SNX15: variants seen among roughly 807,000 people sequenced by gnomAD.
The protein encoded by SNX15 is sorting nexin-15.
Under a neutral mutation model 35.2 loss-of-function variants are expected in SNX15, and 29 were observed. That is an observed-to-expected ratio of 0.82 (90% CI 0.61 to 1.12). The LOEUF (loss-of-function observed/expected upper bound fraction) is 1.12, where lower values mean the gene tolerates loss of function less well. SNX15 is among the 50% of genes most tolerant of loss of function. The probability of loss-of-function intolerance (pLI) is 0.00; values close to 1 mark genes in which losing one functional copy is unlikely to be tolerated. For missense variants in SNX15, 400 were observed against 451.5 expected (o/e 0.89, Z 1.03); for synonymous variants, 189 against 188.2 (o/e 1.00, Z -0.03).
Position 65,027,485 on chromosome 11 carries a change from G to A in SNX15, c.-53G>A. On this transcript the variant is annotated 5_prime_UTR_variant, in exon 1 of 8. Coordinates refer to ENST00000377244, the MANE Select transcript of SNX15 (RefSeq NM_013306.5). ...CGGGCGGAGGCTGGGCCGGAGGGGTGGGGACGGCGAGGAGGTGGAGGCCGG... is the reference window on the plus strand; with the variant it reads ...CGGGCGGAGGCTGGGCCGGAGGGGTAGGGACGGCGAGGAGGTGGAGGCCGG... 1 of 1,442,616 alleles carries A rather than the reference G, an allele frequency of 6.9e-7. No individual in the cohort carries two copies. The highest frequency in any genetic ancestry group is 1.7e-5 in the Admixed American group (1 of 59,648). The allele number at this position is 1,442,616 out of a possible 1,614,324, so 89.4% of individuals were successfully genotyped here.
In SNX15 at chr11:65,038,765, C is replaced by T. The variant is rs563603542; in HGVS notation, c.858C>T (p.Gly286=). The change falls in exon 7 of 8, where the codon GGC becomes GGT. Residue 286 remains glycine (G), a synonymous_variant. Transcript: ENST00000377244. The part of the protein sequence containing the change: ...ITQALRDEKA[G]AYAAALQGYR... ...AGGCCCTGCGGGATGAGAAGGCAGG[C>T]GCTTACGCTGCTGCACTCCAGGGCT... 21 of 1,599,966 alleles carry T rather than the reference C, an allele frequency of 1.3e-5. No homozygotes were observed. In the Middle Eastern group the frequency reaches 5.0e-4, roughly 38 times the overall value.
chr11:65,038,584 C>T lies in SNX15; in HGVS notation c.677C>T (p.Pro226Leu). The T allele has an allele frequency of 6.4e-7, 1 of 1,560,664 alleles. No individual in the cohort carries two copies. The highest frequency in any genetic ancestry group is 2.3e-5 in the East Asian group (1 of 44,178). The change falls in exon 7 of 8, where the codon CCC (proline) becomes CTC (leucine). Residue 226 changes from proline (P) to leucine (L), a missense_variant. Pro to Leu is a moderately conservative substitution (Grantham distance 98, BLOSUM62 -3). Coordinates refer to ENST00000377244, the MANE Select transcript of SNX15 (RefSeq NM_013306.5). ...DPFSKEEGAA[P>L]SPTHVAELAT... ...TTTCTAACTGCAGAAGGCGCAGCCC[C>T]CAGCCCCACCCATGTGGCTGAGCTG...
intron 1 of SNX15, among the ~76,000 whole-genome samples, chr11:65,030,206 G>A (rs1220675096): frequency 6.6e-6 from 1 of 151,768 alleles, no homozygotes; most frequent in Non-Finnish European, 1.5e-5. Context: ...AGTACAAAAC[G>A]TAGCTGGGCA....
At position 65,027,489 on chromosome 11, in the gene SNX15, A is replaced by T; in HGVS notation, c.-49A>T. 6.8e-7 allele frequency: 1 copy of T among 1,478,806 alleles called. No individual in the cohort carries two copies. Among genetic ancestry groups the T allele is most frequent in the East Asian group, 2.3e-5 (1 of 44,192 alleles). 91.6% of individuals were successfully genotyped at this position (1,478,806 alleles called of 1,614,324 possible). ...CGGAGGCTGGGCCGGAGGGGTGGGG[A>T]CGGCGAGGAGGTGGAGGCCGGCGCT... On this transcript the variant is annotated 5_prime_UTR_variant, in exon 1 of 8. Transcript: ENST00000377244.
At position 65,034,956 on chromosome 11, in the gene SNX15, C is replaced by A. The variant is rs1340845033; in HGVS notation, c.366C>A (p.Phe122Leu). 1 of 1,613,890 alleles carries A rather than the reference C, an allele frequency of 6.2e-7. No homozygotes were observed. The highest frequency in any genetic ancestry group is 8.5e-7 in the Non-Finnish European group (1 of 1,179,924). ...ALNNSPQLKE[F>L]FRGGEVTRPL... is the part of the protein sequence containing the mutation. ...ACAACAGCCCCCAGCTCAAGGAGTT[C>A]TTCCGGGTATGTGCACCTTCCACCT... Residue 122 changes from phenylalanine (F) to leucine (L), a missense_variant, in exon 4 of 8, where the codon TTC becomes TTA. By Grantham distance (22) the Phe-to-Leu change is conservative. Coordinates refer to ENST00000377244, the MANE Select transcript of SNX15 (RefSeq NM_013306.5).
Position 65,034,885 on chromosome 11 carries a change from G to A in SNX15, c.295G>A (p.Gly99Arg). The change falls in exon 4 of 8, where the codon GGG (glycine) becomes AGG (arginine). Residue 99 changes from glycine to arginine, a missense_variant. Physicochemically the swap from Gly to Arg is moderately radical, Grantham distance 125. Coordinates refer to ENST00000377244, the MANE Select transcript of SNX15 (RefSeq NM_013306.5). The stretch of plus-strand genomic sequence containing the variant: ...CTCAGTGATCGAGGAGCGGCGAAAG[G>A]GGGCAGAGGACCTGCTTCGCTTCAC... ...EASVIEERRK[G>R]AEDLLRFTVH... is the part of the protein sequence containing the mutation. 6.2e-7 allele frequency: 1 copy of A among 1,614,054 alleles called. No individual in the cohort carries two copies. Among genetic ancestry groups the A allele is most frequent in the Non-Finnish European group, 8.5e-7 (1 of 1,179,952 alleles).
chr11:65,039,820 T>A lies in SNX15; in HGVS notation c.*28T>A. The stretch of plus-strand genomic sequence containing the variant: ...GGGAGTGGGCCATTCCCTGGGACTC[T>A]CGCTCCTGCACTGCCAGCCCCTTCT... On this transcript the variant is annotated 3_prime_UTR_variant, in exon 8 of 8. Transcript: ENST00000377244. The A allele has an allele frequency of 6.6e-7, 1 of 1,505,406 alleles. No homozygotes were observed. The highest frequency in any genetic ancestry group is 9.2e-7 in the Non-Finnish European group (1 of 1,089,968). 93.3% of individuals were successfully genotyped at this position (1,505,406 alleles called of 1,614,324 possible). A position where few individuals can be genotyped will look rare whatever the true frequency, so the allele number is the denominator to read the frequency against.
rs187236671 is a variant in SNX15, at chr11:65,032,972, T to G, written c.256+421T>G. Among the ~76,000 whole-genome samples the G allele has an allele frequency of 6.3e-3, 952 of 152,190 alleles. 7 individuals are homozygous for G. The highest frequency in any genetic ancestry group is 0.01 in the Middle Eastern group (3 of 294). ...CTCACTGCAACCTCCACCTTCCAGG[T>G]TCAAGGGATTCTCTTGCATCAGTCT... is the stretch of plus-strand genomic sequence containing the variant. On this transcript the variant is annotated intron_variant, in intron 3 of 7. Coordinates refer to ENST00000377244, the MANE Select transcript of SNX15 (RefSeq NM_013306.5).
intron 1 of SNX15, among the ~76,000 whole-genome samples, chr11:65,030,230 C>T (rs942610896): frequency 4.6e-5 from 7 of 151,840 alleles, no homozygotes; most frequent in Non-Finnish European, 7.4e-5. Context: ...TGGCGCTCAC[C>T]TGTAGTCCCA....
Position 65,039,844 on chromosome 11 carries a change from C to G in SNX15, c.*52C>G. The G allele has an allele frequency of 7.8e-7, 1 of 1,275,268 alleles. No individual in the cohort carries two copies. The highest frequency in any genetic ancestry group is 1.1e-6 in the Non-Finnish European group (1 of 889,884). The allele number at this position is 1,275,268 out of a possible 1,614,324, so 79.0% of individuals were successfully genotyped here. ...CTCGCTCCTGCACTGCCAGCCCCTT[C>G]TCCTCTCCCCAGGGCCTGGCCCTAC... On this transcript the variant is annotated 3_prime_UTR_variant, in exon 8 of 8. Coordinates refer to ENST00000377244, the MANE Select transcript of SNX15 (RefSeq NM_013306.5).
At chr11:65,037,069 T>G (rs1946511736) in intron 6 of SNX15, 1 of 152,226 alleles carries the variant, frequency 6.6e-6, no homozygotes, top group Non-Finnish European at 1.5e-5. Context: ...AAGGCAATGT[T>G]GGTGTCACAG....
At chr11:65,028,984 G>A (rs1486124960) in intron 1 of SNX15, among the ~76,000 whole-genome samples, 3 of 151,974 alleles carry the variant, frequency 2.0e-5, no homozygotes, top group African/African-American at 7.2e-5. Context: ...CCAGGTACTC[G>A]GGAGGCTGAG....
At position 65,035,259 on chromosome 11, in the gene SNX15, G is replaced by A. The variant is rs1946488189; in HGVS notation, c.520+53G>A. On this transcript the variant is annotated intron_variant, in intron 5 of 7. Coordinates refer to ENST00000377244, the MANE Select transcript of SNX15 (RefSeq NM_013306.5). ...GGGCTGGAGGGTGCAGAGTGGGGAG[G>A]GCGGCCACACTCCCTCCTCAGTGAT... 3.4e-6 allele frequency: 5 copies of A among 1,473,934 alleles called. No homozygotes were observed. In the South Asian group the frequency reaches 4.1e-5, roughly 12 times the overall value. 91.3% of individuals were successfully genotyped at this position (1,473,934 alleles called of 1,614,324 possible).
rs1285017267 is a variant in SNX15, at chr11:65,035,560, TCTC to T, written c.565_567del (p.Leu189del). ...CCAGCCCTGCCCAGGAGGCCCTGGA[TCTC>T]CTCTTTAACTGTGAGAGCACCGAGG... On this transcript the variant is annotated inframe_deletion, in exon 6 of 8. Coordinates refer to ENST00000377244, the MANE Select transcript of SNX15 (RefSeq NM_013306.5). 8 of 1,613,668 alleles carry T rather than the reference TCTC, an allele frequency of 5.0e-6. No individual in the cohort carries two copies. The highest frequency in any genetic ancestry group is 2.2e-5 in the South Asian group (2 of 91,012).
In SNX15 at chr11:65,035,561, C is replaced by A. The variant is rs1466282814; in HGVS notation, c.562C>A (p.Leu188Ile). 6.2e-7 allele frequency: 1 copy of A among 1,613,638 alleles called. No homozygotes were observed. Among genetic ancestry groups the A allele is most frequent in the East Asian group, 2.2e-5 (1 of 44,854 alleles). ...CAGCCCTGCCCAGGAGGCCCTGGATCTCCTCTTTAACTGTGAGAGCACCGA... is the reference window on the plus strand; with the variant it reads ...CAGCCCTGCCCAGGAGGCCCTGGATATCCTCTTTAACTGTGAGAGCACCGA... ...PSSPAQEALD[L>I]LFNCESTEEA... Residue 188 changes from leucine (L) to isoleucine (I), a missense_variant, in exon 6 of 8, where the codon CTC (leucine) becomes ATC (isoleucine). Physicochemically the swap from Leu to Ile is conservative, Grantham distance 5 (BLOSUM62 2). Transcript: ENST00000377244.
intron 1 of SNX15, among the ~76,000 whole-genome samples, chr11:65,028,821 C>T (rs1300698715): frequency 2.7e-5 from 4 of 150,582 alleles, no homozygotes; most frequent in Admixed American, 6.6e-5. Flanking sequence ...TGGCCGGGCG[C>T]GGTGGCTCAC....
At chr11:65,032,635 A>G in intron 3 of SNX15, 84 bp downstream of exon 3, 5 of 1,551,526 alleles carry the variant, frequency 3.2e-6, no homozygotes, top group African/African-American at 1.4e-5. Context: ...GGCTGGATAG[A>G]GAGGGCCTGA....
chr11:65,039,381 G>A (rs1359700024), intron 7 of SNX15, among the ~76,000 whole-genome samples: 3 of 151,880 alleles, frequency 2.0e-5, no homozygotes, highest in East Asian at 1.9e-4. Flanking sequence ...GTGCCACCAC[G>A]CCCAGCGAAT....
chr11:65,028,688 TAAA>T (rs5792345), intron 1 of SNX15, among the ~76,000 whole-genome samples: 3 of 108,552 alleles, frequency 2.8e-5, no homozygotes, highest in African/African-American at 3.6e-5. Flanking sequence ...CACACAACTT[TAAA>T]AAAAAAAAAA....
Sources: gnomAD v4.1 joint callset for allele counts (sites outside exome capture counted in the v4.1 genomes callset) on GRCh38, gnomAD v4.1.1 for gene constraint, MANE v1.5 for transcripts, NCBI Gene and HGNC (gene_info 2026-07-23, HGNC 2026-07-21) for gene names.